CD163L1: variants seen among roughly 807,000 people sequenced by gnomAD.
The protein encoded by CD163L1 is scavenger receptor cysteine-rich type 1 protein M160.
In CD163L1, 124 loss-of-function variants were observed where a neutral mutation model predicts 165.4. The observed-to-expected ratio is 0.75, with a 90% CI of 0.65 to 0.87. The LOEUF (loss-of-function observed/expected upper bound fraction) is 0.87, where lower values mean the gene tolerates loss of function less well. Among genes scored for constraint, CD163L1 ranks in the 40% least tolerant of loss-of-function variants. CD163L1 has a pLI of 0.00. For synonymous variants in CD163L1, 585 were observed against 662.2 expected, an observed-to-expected ratio of 0.88 and a Z score of 1.79; for missense variants, 1,525 against 1,799.9, an observed-to-expected ratio of 0.85 and a Z score of 2.76.
exon 5 of CD163L1, chr12:7,346,800 T>C (rs920483572): frequency 2.6e-5 from 4 of 152,104 alleles, no homozygotes; most frequent in Admixed American, 2.6e-4. Flanking sequence ...CTAGCAGTTT[T>C]CAGGACAAGT....
chr12:7,337,683 A>C, the CD163L1 span, among the ~76,000 whole-genome samples: 1 of 152,214 alleles, frequency 6.6e-6, no homozygotes, highest in African/African-American at 2.4e-5. Flanking sequence ...GCTGGAGTGG[A>C]TGTGGAGAAA....
intron 4 of CD163L1, among the ~76,000 whole-genome samples, chr12:7,430,956 G>A (rs1043561622): frequency 1.3e-5 from 2 of 151,972 alleles, no homozygotes; most frequent in South Asian, 2.1e-4. Flanking sequence ...TCAACTAAAC[G>A]TGCTGCAAAA....
At chr12:7,425,184 T>C (rs960677402) in intron 4 of CD163L1, among the ~76,000 whole-genome samples, 5 of 151,946 alleles carry the variant, frequency 3.3e-5, no homozygotes, top group African/African-American at 1.2e-4. Context: ...ACACAACACA[T>C]CTACAACCAT....
intron 18 of CD163L1, among the ~76,000 whole-genome samples, chr12:7,366,695 A>C (rs1197881613): frequency 6.6e-6 from 1 of 152,156 alleles, no homozygotes; most frequent in Non-Finnish European, 1.5e-5. Context: ...GCTATTGGAA[A>C]GTCACTTTGC....
At chr12:7,330,637 G>A in the CD163L1 span, among the ~76,000 whole-genome samples, 1 of 152,156 alleles carries the variant, frequency 6.6e-6, no homozygotes. Flanking sequence ...TAGAGAAAGG[G>A]TTCCTCATCC....
intron 4 of CD163L1, among the ~76,000 whole-genome samples, chr12:7,421,047 A>ATACATATATATATATACG (rs1565808776): frequency 2.3e-4 from 23 of 97,988 alleles, no homozygotes; most frequent in African/African-American, 1.0e-3. Flanking sequence ...GTGTATATAT[A>ATACATATATATATATACG]TGTATATACG....
chr12:7,418,798 GA>G, intron 4 of CD163L1, among the ~76,000 whole-genome samples: 1 of 151,988 alleles, frequency 6.6e-6, no homozygotes, highest in Admixed American at 6.6e-5. Context: ...TAAATTTCTG[GA>G]AATATACAAT....
chr12:7,436,769 AAAT>A (rs1197225463), intron 2 of CD163L1, among the ~76,000 whole-genome samples: 3 of 152,302 alleles, frequency 2.0e-5, no homozygotes, highest in Non-Finnish European at 4.4e-5. Flanking sequence ...AAAATATAGA[AAAT>A]AATGAAAAAC....
chr12:7,428,827 T>C (rs1348793043), intron 4 of CD163L1, among the ~76,000 whole-genome samples: 1 of 152,124 alleles, frequency 6.6e-6, no homozygotes, highest in Non-Finnish European at 1.5e-5. Context: ...CTAATTCTGC[T>C]GCTGATGTTC....
At chr12:7,359,611 A>T (rs1035895886) in intron 18 of CD163L1, among the ~76,000 whole-genome samples, 4 of 152,176 alleles carry the variant, frequency 2.6e-5, no homozygotes, top group Admixed American at 2.6e-4. Context: ...ATTATACAAG[A>T]AATTCTTCAG....
At chr12:7,350,770 A>T (rs1220683590), downstream of CD163L1, among the ~76,000 whole-genome samples, 4 of 152,278 alleles carry the variant, frequency 2.6e-5, no homozygotes, top group South Asian at 6.2e-4. Context: ...TTTTGACATA[A>T]TTTTAAAGGT....
rs149299268 is a variant in CD163L1 at position 7,397,536 on chromosome 12, AC to A, written c.1729+727del. Among the ~76,000 whole-genome samples, 1,111 of 152,242 alleles carry A rather than the reference AC, an allele frequency of 7.3e-3. 21 individuals carry two copies. The highest frequency in any genetic ancestry group is 0.026 in the African/African-American group (1,066 of 41,546). On this transcript the variant is annotated intron_variant, in intron 7 of 19. Coordinates refer to ENST00000313599, the MANE Select transcript of CD163L1 (RefSeq NM_174941.6). ...ACCTGATGAGGTTGGGAACATTGAA[AC>A]CCTAAATTCTACTGTTTCTCCTTTA...
chr12:7,331,650 G>A, the CD163L1 span, among the ~76,000 whole-genome samples: 9 of 152,280 alleles, frequency 5.9e-5, no homozygotes, highest in Admixed American at 2.0e-4. Flanking sequence ...TGCAGCCACC[G>A]CTGCTGATAC....
chr12:7,331,122 C>T, the CD163L1 span, among the ~76,000 whole-genome samples: 2 of 152,250 alleles, frequency 1.3e-5, no homozygotes, highest in African/African-American at 4.8e-5. Flanking sequence ...TAACAAATGG[C>T]ACACCAGGAG....
At chr12:7,410,165 C>T (rs910111825) in intron 4 of CD163L1, among the ~76,000 whole-genome samples, 1 of 151,820 alleles carries the variant, frequency 6.6e-6, no homozygotes, top group Non-Finnish European at 1.5e-5. Context: ...CTGTAAAATA[C>T]AAGCATAAAA....
chr12:7,424,464 A>G (rs1390976150), intron 4 of CD163L1, among the ~76,000 whole-genome samples: 1 of 152,220 alleles, frequency 6.6e-6, no homozygotes, highest in African/African-American at 2.4e-5. Context: ...CCTATTCAAC[A>G]TAGTGTTGGA....
rs1415061189 is a variant in CD163L1 at position 7,357,460 on chromosome 12, C to T, written c.4306G>A (p.Asp1436Asn). The T allele has an allele frequency of 6.2e-7, 1 of 1,612,714 alleles. No homozygotes were observed. Among genetic ancestry groups the T allele is most frequent in the Non-Finnish European group, 8.5e-7 (1 of 1,179,090 alleles). ...SDDTPNHGCE[D>N]ASDTSLLGVL... Reference sequence around the variant, plus strand: ...CCCAACAGCGATGTGTCGCTAGCATCTTCACAACCATGGTTGGGGGTGTCA... The same window carrying T: ...CCCAACAGCGATGTGTCGCTAGCATTTTCACAACCATGGTTGGGGGTGTCA... Residue 1436 changes from aspartate (D) to asparagine (N), a missense_variant, in exon 19 of 20, where the codon GAT becomes AAT. Physicochemically the swap from Asp to Asn is conservative, Grantham distance 23. Coordinates refer to ENST00000313599, the MANE Select transcript of CD163L1 (RefSeq NM_174941.6).
the CD163L1 span, among the ~76,000 whole-genome samples, chr12:7,336,981 C>A: frequency 6.6e-6 from 1 of 152,040 alleles, no homozygotes; most frequent in African/African-American, 2.4e-5. Context: ...ATACATAGAC[C>A]AATGGAACAG....
At chr12:7,440,049 C>T in intron 2 of CD163L1, 1 of 1,213,162 alleles carries the variant, frequency 8.2e-7, no homozygotes, top group South Asian at 1.3e-5. Flanking sequence ...AGCAGCTCCT[C>T]GCGTTCCGCG....
Sources: gnomAD v4.1 joint callset for allele counts (sites outside exome capture counted in the v4.1 genomes callset) on GRCh38, gnomAD v4.1.1 for gene constraint, MANE v1.5 for transcripts, NCBI Gene and HGNC (gene_info 2026-07-23, HGNC 2026-07-21) for gene names.